The following LMAN2 variants were observed in gnomAD, a reference collection of about 807,000 sequenced individuals.
The protein encoded by LMAN2 is vesicular integral-membrane protein VIP36.
LMAN2 carries 22 observed loss-of-function variants against 39.3 expected under a neutral mutation model. That is an observed-to-expected ratio of 0.56 (90% CI 0.40 to 0.80). The LOEUF (loss-of-function observed/expected upper bound fraction) is 0.80, where lower values mean the gene tolerates loss of function less well. Among genes scored for constraint, LMAN2 ranks in the 30% least tolerant of loss-of-function variants. The pLI, the probability that LMAN2 is intolerant of heterozygous loss-of-function variation, is 0.00. For missense variants in LMAN2, 494 were observed against 505.4 expected (o/e 0.98, Z 0.22); for synonymous variants, 207 against 207.8 (o/e 1.00, Z 0.03).
At chr5:177,343,085 CTACTAAAAA>C (rs1761581452) in intron 2 of LMAN2, among the ~76,000 whole-genome samples, 1 of 152,028 alleles carries the variant, frequency 6.6e-6, no homozygotes, top group Non-Finnish European at 1.5e-5. Flanking sequence ...AACCCTGTCT[CTACTAAAAA>C]TATTAAAAAA....
In LMAN2 at chr5:177,332,155, G is replaced by C; in HGVS notation, c.1002C>G (p.Ile334Met). 1 of 1,613,612 alleles carries C rather than the reference G, an allele frequency of 6.2e-7. No homozygotes were observed. The highest frequency in any genetic ancestry group is 8.5e-7 in the Non-Finnish European group (1 of 1,179,946). ...CGGCCCCCACCACGGCGCAGACAACGATGCCCAGGAGAGCGCACAGCAGCA... is the reference window on the plus strand; with the variant it reads ...CGGCCCCCACCACGGCGCAGACAACCATGCCCAGGAGAGCGCACAGCAGCA... The part of the protein sequence containing the change: ...FLLLLCALLG[I>M]VVCAVVGAVV... Residue 334 changes from isoleucine (I) to methionine (M), a missense_variant, in exon 8 of 8, where the codon ATC becomes ATG. Transcript: ENST00000303127. This position sits in a 1 kb window ranked among gnomAD's most constrained non-coding sequence, Gnocchi z 6.3.
Position 177,337,358 on chromosome 5 carries a change from C to G in LMAN2, c.675+5G>C. On this transcript the variant is annotated splice_donor_5th_base_variant and intron_variant, in intron 5 of 7. Coordinates refer to ENST00000303127, the MANE Select transcript of LMAN2 (RefSeq NM_006816.3). This position sits in a 1 kb window ranked among gnomAD's most constrained non-coding sequence, Gnocchi z 8.2. ...GCTGCCACCCCCACCGCCTAGCCTG[C>G]TCACCGTCAGACGGCCCCGGGAGTA... 6.2e-7 allele frequency: 1 copy of G among 1,610,784 alleles called. No individual in the cohort carries two copies. The highest frequency in any genetic ancestry group is 8.5e-7 in the Non-Finnish European group (1 of 1,179,842).
chr5:177,346,392 A>G, intron 2 of LMAN2: 1 of 733,600 alleles, frequency 1.4e-6, no homozygotes, highest in Non-Finnish European at 1.9e-6. Flanking sequence ...TTGAGCCAGG[A>G]GTTGAGGTGG....
At chr5:177,334,260 C>A in intron 7 of LMAN2, 24 bp downstream of exon 7, 1 of 1,600,334 alleles carries the variant, frequency 6.2e-7, no homozygotes, top group Non-Finnish European at 8.5e-7. Context: ...CAGGCCCAGG[C>A]AGGGCGGGGC....
chr5:177,334,750 G>A (rs1761444377), intron 6 of LMAN2, among the ~76,000 whole-genome samples: 1 of 152,190 alleles, frequency 6.6e-6, no homozygotes, highest in Non-Finnish European at 1.5e-5. Context: ...CATGAGAAGG[G>A]TCTACACCAC....
In LMAN2 at chr5:177,351,282, G is replaced by T. The variant is rs1761719597; in HGVS notation, c.206C>A (p.Ser69Tyr). The stretch of plus-strand genomic sequence containing the variant: ...GAAGTCCCAGAGGGGCATAGAGCTG[G>T]AACCGACCCCTGTGGGAAGAGACAG... ...SLIKPYQGVG[S>Y]SSMPLWDFQG... is the part of the protein sequence containing the mutation. Residue 69 changes from serine to tyrosine, a missense_variant, in exon 2 of 8, where the codon TCC (serine) becomes TAC (tyrosine). By Grantham distance (144) the Ser-to-Tyr change is moderately radical. Coordinates refer to ENST00000303127, the MANE Select transcript of LMAN2 (RefSeq NM_006816.3). 4.3e-6 allele frequency: 7 copies of T among 1,613,870 alleles called. No homozygotes were observed. In the South Asian group the frequency reaches 5.5e-5, roughly 13 times the overall value.
In LMAN2 at chr5:177,332,256, A is replaced by C. The variant is rs1561602425; in HGVS notation, c.911-10T>G. Reference sequence around the variant, plus strand: ...GGGTCGTCCACGTTGTCTGGGGGAGAAGAAACGGGGGAGCTGAAACGGCAG... The same window carrying C: ...GGGTCGTCCACGTTGTCTGGGGGAGCAGAAACGGGGGAGCTGAAACGGCAG... On this transcript the variant is annotated splice_polypyrimidine_tract_variant and intron_variant, in intron 7 of 7. Transcript: ENST00000303127. The surrounding 1 kb of genome is among the most constrained non-coding windows in gnomAD (Gnocchi z 6.3). 1 of 1,610,914 alleles carries C rather than the reference A, an allele frequency of 6.2e-7. No homozygotes were observed. Among genetic ancestry groups the C allele is most frequent in the Non-Finnish European group, 8.5e-7 (1 of 1,179,092 alleles).
rs1761403709 is a variant in LMAN2 at position 177,332,448 on chromosome 5, G to C, written c.911-202C>G. Among the ~76,000 whole-genome samples, 1 of 152,150 alleles carries C rather than the reference G, an allele frequency of 6.6e-6. No homozygotes were observed. Among genetic ancestry groups the C allele is most frequent in the South Asian group, 2.1e-4 (1 of 4,838 alleles). On this transcript the variant is annotated intron_variant, in intron 7 of 7. Coordinates refer to ENST00000303127, the MANE Select transcript of LMAN2 (RefSeq NM_006816.3). The surrounding 1 kb of genome is among the most constrained non-coding windows in gnomAD (Gnocchi z 6.3). ...AGTCCCCAGGGCAGGGTGGGGCAGA[G>C]AGAGGACCAAGCCCACAGGGACCCG...
At chr5:177,339,898 A>G (rs2127316239) in intron 2 of LMAN2, among the ~76,000 whole-genome samples, 1 of 152,338 alleles carries the variant, frequency 6.6e-6, no homozygotes, top group East Asian at 1.9e-4. Context: ...CCACAGACTC[A>G]CTGCTCCCAC....
Position 177,337,641 on chromosome 5 carries a change from C to A in LMAN2, c.513+65G>T. On this transcript the variant is annotated intron_variant, in intron 4 of 7. Transcript: ENST00000303127. This position sits in a 1 kb window ranked among gnomAD's most constrained non-coding sequence, Gnocchi z 8.2. ...TGCTGGGACCATGGAAGTCCCAGGGCCCCCTCCTCTAGCCGACTGCCCAGT... is the reference window on the plus strand; with the variant it reads ...TGCTGGGACCATGGAAGTCCCAGGGACCCCTCCTCTAGCCGACTGCCCAGT... The A allele has an allele frequency of 1.9e-6, 3 of 1,602,580 alleles. No homozygotes were observed. Among genetic ancestry groups the A allele is most frequent in the East Asian group, 4.5e-5 (2 of 44,610 alleles).
At chr5:177,349,976 G>A (rs556448831) in intron 2 of LMAN2, among the ~76,000 whole-genome samples, 24 of 152,176 alleles carry the variant, frequency 1.6e-4, no homozygotes, top group African/African-American at 5.3e-4. Flanking sequence ...AGGCAGCCAG[G>A]GGGGGCTGGA....
At chr5:177,335,170 G>C (rs1761451343) in intron 6 of LMAN2, among the ~76,000 whole-genome samples, 1 of 152,228 alleles carries the variant, frequency 6.6e-6, no homozygotes, top group Non-Finnish European at 1.5e-5. Flanking sequence ...GACCTAATGA[G>C]CAAGAGCTCG....
In LMAN2 at chr5:177,332,919, G is replaced by A. The variant is rs1761411793; in HGVS notation, c.911-673C>T. Among the ~76,000 whole-genome samples the A allele has an allele frequency of 6.6e-6, 1 of 152,108 alleles. No homozygotes were observed. ...TGCCACTCTGCCTCCCTCCCTGACT[G>A]CGGCCCCCCCGACTCCACACTGTAC... On this transcript the variant is annotated intron_variant, in intron 7 of 7. Transcript: ENST00000303127. This position sits in a 1 kb window ranked among gnomAD's most constrained non-coding sequence, Gnocchi z 6.3.
intron 2 of LMAN2, among the ~76,000 whole-genome samples, chr5:177,348,142 T>C (rs1761663227): frequency 6.6e-6 from 1 of 152,120 alleles, no homozygotes; most frequent in Admixed American, 6.6e-5. Flanking sequence ...TTTCAAAAAA[T>C]GTTTACTTTT....
chr5:177,345,270 G>A (rs1014686294), intron 2 of LMAN2, among the ~76,000 whole-genome samples: 1 of 141,436 alleles, frequency 7.1e-6, no homozygotes, highest in Non-Finnish European at 1.5e-5. Context: ...ACACCCAGGA[G>A]ACCGAGGCTG....
At chr5:177,348,561 G>A (rs1229011684) in intron 2 of LMAN2, among the ~76,000 whole-genome samples, 2 of 151,814 alleles carry the variant, frequency 1.3e-5, no homozygotes, top group Admixed American at 6.6e-5. Flanking sequence ...GGCAGTGCGC[G>A]CCTGTAATCC....
rs746153897 is a variant in LMAN2 at position 177,337,125 on chromosome 5, G to A, written c.790+11C>T. 6.9e-6 allele frequency: 11 copies of A among 1,604,098 alleles called. 1 individual carries two copies. The highest frequency in any genetic ancestry group is 4.4e-5 in the South Asian group (4 of 90,900). On this transcript the variant is annotated intron_variant, in intron 6 of 7. Transcript: ENST00000303127. This position sits in a 1 kb window ranked among gnomAD's most constrained non-coding sequence, Gnocchi z 8.2. ...TGGGCTGGGAACCAACGCCTGGCCC[G>A]GCCCACTCACCAGACAGGTCGCCGG...
Position 177,351,180 on chromosome 5 carries a change from T to C in LMAN2, c.308A>G (p.Asn103Ser). ...CTCTTGAGAACCACTCACCTGGTGGTTCCAGATAGAGCCCTCTTTGCTGCG... is the reference window on the plus strand; with the variant it reads ...CTCTTGAGAACCACTCACCTGGTGGCTCCAGATAGAGCCCTCTTTGCTGCG... ...DERSKEGSIW[N>S]HQPCFLKDWE... The change falls in exon 2 of 8, where the codon AAC becomes AGC. Residue 103 changes from asparagine (N) to serine (S), a missense_variant. Transcript: ENST00000303127. 1.9e-6 allele frequency: 3 copies of C among 1,614,028 alleles called. No homozygotes were observed. Among genetic ancestry groups the C allele is most frequent in the Non-Finnish European group, 2.5e-6 (3 of 1,179,922 alleles).
intron 6 of LMAN2, among the ~76,000 whole-genome samples, chr5:177,335,500 T>C (rs1167995263): frequency 2.0e-5 from 3 of 152,160 alleles, no homozygotes; most frequent in Non-Finnish European, 1.5e-5. Flanking sequence ...TCCCAACAGC[T>C]GTGAGAGCTG....
Sources: gnomAD v4.1 joint callset for allele counts (sites outside exome capture counted in the v4.1 genomes callset) on GRCh38, gnomAD v4.1.1 for gene constraint, Gnocchi (gnomAD v3.1) non-coding constraint, MANE v1.5 for transcripts, NCBI Gene and HGNC (gene_info 2026-07-23, HGNC 2026-07-21) for gene names.